Variants in RNF212 observed in about 807,000 individuals in gnomAD.
The protein encoded by RNF212 is probable E3 SUMO-protein ligase RNF212.
In RNF212, 33 loss-of-function variants were observed where a neutral mutation model predicts 34.7. That is an observed-to-expected ratio of 0.95 (90% confidence interval 0.72 to 1.27). The LOEUF (loss-of-function observed/expected upper bound fraction) is 1.27. Among genes scored for constraint, RNF212 ranks in the 50% most tolerant of loss-of-function variants. The pLI, the probability that RNF212 is intolerant of heterozygous loss-of-function variation, is 0.00. For synonymous variants in RNF212, 140 were observed against 136.1 expected, an observed-to-expected ratio of 1.03 and a Z score of -0.20; for missense variants, 377 against 362.2, an observed-to-expected ratio of 1.04 and a Z score of -0.33.
chr4:1,103,781 C>G (rs1724393814), intron 2 of RNF212, among the ~76,000 whole-genome samples: 3 of 152,156 alleles, frequency 2.0e-5, no homozygotes, highest in Admixed American at 2.0e-4. Flanking sequence ...ACATATAATA[C>G]TTGATGAAAT....
Position 1,093,531 on chromosome 4 carries a change from G to A in RNF212, c.247-2693C>T, listed in dbSNP as rs1722528686. The A allele has an allele frequency of 2.6e-6, 4 of 1,518,212 alleles. No individual in the cohort carries two copies. The South Asian group carries it at 4.9e-5, about 19-fold the overall frequency. 94.0% of individuals were successfully genotyped at this position (1,518,212 alleles called of 1,614,324 possible). A position where few individuals can be genotyped will look rare whatever the true frequency, so the allele number is the denominator to read the frequency against. ...AGTGGGGCCACGAGGTCACTGGGCA[G>A]AGCCTGTGACCTCCACGGCCCATGC... On this transcript the variant is annotated intron_variant, in intron 3 of 9. Coordinates refer to ENST00000433731, the MANE Select transcript of RNF212 (RefSeq NM_001131034.4).
At chr4:1,093,517 G>A (rs1722522226) in intron 3 of RNF212, 11 of 1,394,656 alleles carry the variant, frequency 7.9e-6, no homozygotes, top group Admixed American at 2.7e-5. Context: ...GTGGGGCCAC[G>A]AGGTCACTGG....
At chr4:1,057,274 A>G (rs1717390422) in intron 4 of RNF212, among the ~76,000 whole-genome samples, 1 of 152,180 alleles carries the variant, frequency 6.6e-6, no homozygotes, top group African/African-American at 2.4e-5. Context: ...GCAGGCAGCC[A>G]GGGGTGGACT....
Position 1,073,135 on chromosome 4 carries a change from A to G in RNF212, c.633T>C (p.Pro211=), listed in dbSNP as rs1718708063. Residue 211 remains proline (P), a synonymous_variant, in exon 10 of 10, where the codon CCT becomes CCC. Transcript: ENST00000433731. ...TGGAAATGACACACTCTCCGGGCAC[A>G]GGGGGCTTAGACAAGGTCAACCATG... ...FIPWLTLSKP[P]VPGECVISRG... 6.2e-7 allele frequency: 1 copy of G among 1,614,074 alleles called. No homozygotes were observed. Among genetic ancestry groups the G allele is most frequent in the Non-Finnish European group, 8.5e-7 (1 of 1,180,042 alleles).
intron 3 of RNF212, among the ~76,000 whole-genome samples, chr4:1,091,559 C>T (rs1035374704): frequency 7.9e-5 from 12 of 152,320 alleles, no homozygotes; most frequent in African/African-American, 2.9e-4. Flanking sequence ...CTCCATCCCC[C>T]ACTTCACTCC....
At chr4:1,062,152 C>G (rs1247537960) in intron 3 of RNF212, among the ~76,000 whole-genome samples, 1 of 152,184 alleles carries the variant, frequency 6.6e-6, no homozygotes, top group Admixed American at 6.5e-5. Flanking sequence ...GAGGTCCTGA[C>G]ACCAAAAGCA....
intron 8 of RNF212, among the ~76,000 whole-genome samples, chr4:1,074,696 G>C (rs1373629690): frequency 6.6e-6 from 1 of 152,106 alleles, no homozygotes; most frequent in Non-Finnish European, 1.5e-5. Context: ...TTCTCATGGA[G>C]CTGTCCACTA....
intron 3 of RNF212, among the ~76,000 whole-genome samples, chr4:1,094,766 T>C (rs927635838): frequency 5.3e-5 from 8 of 152,078 alleles, no homozygotes; most frequent in Admixed American, 5.2e-4. Flanking sequence ...AGAACCCTGA[T>C]CTGGTGGGGA....
intron 3 of RNF212, chr4:1,093,447 C>T (rs1393433856): frequency 1.4e-6 from 2 of 1,437,460 alleles, no homozygotes; most frequent in Admixed American, 5.7e-5. Flanking sequence ...CGTCACACAG[C>T]TGCGGGAAAA....
At chr4:1,094,242 A>C (rs1306143775) in intron 3 of RNF212, among the ~76,000 whole-genome samples, 3 of 152,088 alleles carry the variant, frequency 2.0e-5, no homozygotes, top group Non-Finnish European at 4.4e-5. Context: ...CGGAAGAGGG[A>C]AAGGAAGTGC....
In RNF212 at chr4:1,072,198, A is replaced by G. The variant is rs1332511727; in HGVS notation, c.*676T>C. On this transcript the variant is annotated 3_prime_UTR_variant, in exon 10 of 10. Coordinates refer to ENST00000433731, the MANE Select transcript of RNF212 (RefSeq NM_001131034.4). ...TACTGTACAATTCCAACTCCAGGAG[A>G]GTCTGAAAAAGGGACCGTAAAAAGA... 6.6e-6 allele frequency: 1 copy of G among 152,288 alleles called. No individual in the cohort carries two copies. The highest frequency in any genetic ancestry group is 2.4e-5 in the African/African-American group (1 of 41,444). 9.4% of individuals were successfully genotyped at this position (152,288 alleles called of 1,614,324 possible).
intron 7 of RNF212, among the ~76,000 whole-genome samples, chr4:1,081,001 C>G (rs1426004593): frequency 3.3e-5 from 5 of 152,204 alleles, no homozygotes; most frequent in Non-Finnish European, 7.3e-5. Context: ...TGTGAGGGAC[C>G]CCCAGCCATG....
intron 1 of RNF212, 75 bp from the exon 2 acceptor site, chr4:1,108,479 AT>A (rs1195640577): frequency 9.8e-6 from 7 of 713,426 alleles, no homozygotes; most frequent in Non-Finnish European, 1.5e-5. Context: ...AGACTTTACA[AT>A]GTTTCTCCAA....
chr4:1,082,787 C>T (rs1282252851), intron 5 of RNF212, among the ~76,000 whole-genome samples: 1 of 152,258 alleles, frequency 6.6e-6, no homozygotes, highest in Non-Finnish European at 1.5e-5. Context: ...GCACCTGGTG[C>T]TCAGTAAACA....
downstream of RNF212, among the ~76,000 whole-genome samples, chr4:1,066,609 GT>G (rs1427872050): frequency 1.3e-5 from 2 of 152,268 alleles, no homozygotes; most frequent in African/African-American, 4.8e-5. Flanking sequence ...GGGATGACAA[GT>G]GTGCACCACT....
intron 1 of RNF212, among the ~76,000 whole-genome samples, chr4:1,111,251 C>T (rs1377938466): frequency 6.6e-6 from 1 of 152,134 alleles, no homozygotes; most frequent in Non-Finnish European, 1.5e-5. Context: ...ATAGTCTCTT[C>T]TAGTTTCCTT....
At chr4:1,099,839 G>T in intron 2 of RNF212, 1 of 456,232 alleles carries the variant, frequency 2.2e-6, no homozygotes, top group Non-Finnish European at 4.4e-6. Flanking sequence ...GCGGACACGG[G>T]TACCCCTGTG....
chr4:1,073,017 T>G lies in RNF212; in HGVS notation c.751A>C (p.Lys251Gln), dbSNP rs1718684688. ...SGRHGELTNS[K>Q]TLPIYAEVQR... is the part of the protein sequence containing the mutation. ...ACCTCAGCATATATTGGAAGTGTTTTAGAGTTGGTGAGTTCCCCGTGCCTT... is the reference window on the plus strand; with the variant it reads ...ACCTCAGCATATATTGGAAGTGTTTGAGAGTTGGTGAGTTCCCCGTGCCTT... Residue 251 changes from lysine to glutamine, a missense_variant, in exon 10 of 10, where the codon AAA becomes CAA. Transcript: ENST00000433731. 1 of 1,614,164 alleles carries G rather than the reference T, an allele frequency of 6.2e-7. No homozygotes were observed. The highest frequency in any genetic ancestry group is 8.5e-7 in the Non-Finnish European group (1 of 1,180,024).
At chr4:1,057,969 G>A (rs1417889031) in intron 4 of RNF212, among the ~76,000 whole-genome samples, 1 of 152,092 alleles carries the variant, frequency 6.6e-6, no homozygotes, top group East Asian at 1.9e-4. Context: ...GCTGAGGCAG[G>A]AGAATCACTT....
Sources: gnomAD v4.1 joint callset for allele counts (sites outside exome capture counted in the v4.1 genomes callset) on GRCh38, gnomAD v4.1.1 for gene constraint, MANE v1.5 for transcripts, NCBI Gene and HGNC (gene_info 2026-07-23, HGNC 2026-07-21) for gene names.